The following ACACA variants were observed in gnomAD, a reference collection of about 807,000 sequenced individuals.
ACACA encodes acetyl-CoA carboxylase 1.
Under a neutral mutation model 296.1 loss-of-function variants are expected in ACACA, and 103 were observed. The ratio of observed to expected loss-of-function variants is 0.35; its 90% CI spans 0.30 to 0.41. The LOEUF (loss-of-function observed/expected upper bound fraction) is 0.41, where lower values mean the gene tolerates loss of function less well. ACACA is among the 10% of genes least tolerant of loss of function. ACACA has a pLI of 1.00. For synonymous variants in ACACA, 953 were observed against 1,038.6 expected, an observed-to-expected ratio of 0.92 and a Z score of 1.58; for missense variants, 1,554 against 2,989.7, an observed-to-expected ratio of 0.52 and a Z score of 11.20.
In ACACA at chr17:37,383,133, C is replaced by T. The variant is rs1470593781; in HGVS notation, c.38+23129G>A. On this transcript the variant is annotated intron_variant, in intron 1 of 55. Coordinates refer to ENST00000616317, the MANE Select transcript of ACACA (RefSeq NM_198834.3). ...CAATTGTTTCCCTCTTAACATGTGA[C>T]ACCTTGCTGTCCATGGCAGCTGTGT... 2.0e-5 allele frequency among the ~76,000 whole-genome samples: 3 copies of T among 152,188 alleles called. No homozygotes were observed. The East Asian group carries it at 5.8e-4, about 29-fold the overall frequency.
intron 45 of ACACA, among the ~76,000 whole-genome samples, chr17:37,132,329 C>G (rs2075138017): frequency 6.6e-6 from 1 of 152,064 alleles, no homozygotes; most frequent in African/African-American, 2.4e-5. Context: ...ACAAAAAATC[C>G]AAACCAAAGC....
chr17:37,272,053 G>C (rs2082094678), intron 9 of ACACA, among the ~76,000 whole-genome samples: 1 of 152,012 alleles, frequency 6.6e-6, no homozygotes, highest in Admixed American at 6.6e-5. Context: ...TCTTTAAAAT[G>C]TATCACCAGG....
chr17:37,216,090 C>T (rs1598204912), intron 29 of ACACA, among the ~76,000 whole-genome samples: 1 of 148,804 alleles, frequency 6.7e-6, no homozygotes, highest in Admixed American at 6.7e-5. Flanking sequence ...CAAAAAGAAT[C>T]ACACAGCCTT....
intron 25 of ACACA, among the ~76,000 whole-genome samples, chr17:37,227,719 G>C (rs1367842030): frequency 1.3e-5 from 2 of 151,896 alleles, no homozygotes; most frequent in Non-Finnish European, 2.9e-5. Context: ...AATTAGCCGG[G>C]CGTGGTGGCG....
intron 52 of ACACA, among the ~76,000 whole-genome samples, chr17:37,105,475 T>TCAAAAA (rs2073622495): frequency 6.7e-6 from 1 of 150,190 alleles, no homozygotes; most frequent in Non-Finnish European, 1.5e-5. Flanking sequence ...AGGCTCCATC[T>TCAAAAA]CAAAAACAAA....
intron 28 of ACACA, among the ~76,000 whole-genome samples, chr17:37,223,013 T>C (rs940619391): frequency 6.6e-6 from 1 of 152,204 alleles, no homozygotes; most frequent in Non-Finnish European, 1.5e-5. Flanking sequence ...CTAAAGTAAC[T>C]GTAGGATTAA....
intron 32 of ACACA, 54 bp from the exon 33 acceptor site, chr17:37,205,926 C>G: frequency 7.4e-7 from 1 of 1,349,300 alleles, no homozygotes; most frequent in Non-Finnish European, 1.1e-6. Flanking sequence ...AATACAGATG[C>G]AGATAGAAGT....
Position 37,226,344 on chromosome 17 carries a change from G to A in ACACA, c.3355C>T (p.Arg1119Cys). ...TTNAKVALRARQVLIASHLPS... is the reference protein window; with the variant it reads ...TTNAKVALRACQVLIASHLPS... ...AAACCAACAAATGTCCTTACCTGGC[G>A]TGCTCGAAGTGCTACTTTGGCATTG... The change falls in exon 26 of 56, where the codon CGC becomes TGC. Residue 1119 changes from arginine to cysteine, a missense_variant. Coordinates refer to ENST00000616317, the MANE Select transcript of ACACA (RefSeq NM_198834.3). The A allele has an allele frequency of 6.2e-7, 1 of 1,612,736 alleles. No individual in the cohort carries two copies. Among genetic ancestry groups the A allele is most frequent in the Non-Finnish European group, 8.5e-7 (1 of 1,178,764 alleles).
At chr17:37,299,160 G>C in intron 3 of ACACA, 1 of 1,019,870 alleles carries the variant, frequency 9.8e-7, no homozygotes, top group Non-Finnish European at 1.4e-6. Context: ...AAAAAAAATA[G>C]CCTTCATTTT....
At chr17:37,368,173 G>A (rs192707766) in intron 1 of ACACA, among the ~76,000 whole-genome samples, 17 of 152,360 alleles carry the variant, frequency 1.1e-4, no homozygotes, top group Middle Eastern at 3.4e-3. Flanking sequence ...GAGGGAGGCT[G>A]AGGAAGGAGA....
intron 3 of ACACA, among the ~76,000 whole-genome samples, chr17:37,320,609 T>C (rs1217258643): frequency 1.3e-5 from 2 of 151,966 alleles, no homozygotes; most frequent in East Asian, 1.9e-4. Flanking sequence ...GCTGGCCACC[T>C]TGGGCATGTT....
At chr17:37,217,526 G>T (rs557206378) in intron 29 of ACACA, among the ~76,000 whole-genome samples, 2 of 151,680 alleles carry the variant, frequency 1.3e-5, no homozygotes, top group Non-Finnish European at 2.9e-5. Context: ...ACAAGGTAAT[G>T]AGATCGAGAC....
At chr17:37,171,259 T>C (rs1231451851) in intron 41 of ACACA, among the ~76,000 whole-genome samples, 1 of 152,084 alleles carries the variant, frequency 6.6e-6, no homozygotes, top group Non-Finnish European at 1.5e-5. Flanking sequence ...TGAGCAGCAA[T>C]ACAAAGAATC....
At chr17:37,384,805 T>G (rs895521074) in intron 1 of ACACA, among the ~76,000 whole-genome samples, 3 of 152,248 alleles carry the variant, frequency 2.0e-5, no homozygotes, top group African/African-American at 7.2e-5. Flanking sequence ...TGATTTCATG[T>G]ACAGTGCCTG....
At chr17:37,385,959 CAGGAT>C (rs2050507680) in intron 1 of ACACA, 1 of 1,252,006 alleles carries the variant, frequency 8.0e-7, no homozygotes, top group Non-Finnish European at 1.1e-6. Context: ...AAACCAAAGG[CAGGAT>C]AAAGTTTTCC....
chr17:37,113,285 T>C lies in ACACA; in HGVS notation c.6275-20A>G. 1 of 1,613,000 alleles carries C rather than the reference T, an allele frequency of 6.2e-7. No homozygotes were observed. Among genetic ancestry groups the C allele is most frequent in the East Asian group, 2.2e-5 (1 of 44,850 alleles). On this transcript the variant is annotated intron_variant, in intron 50 of 55. Transcript: ENST00000616317. The surrounding 1 kb of genome is among the most constrained non-coding windows in gnomAD (Gnocchi z 4.0). ...ACATATCTATGGAGAATGAGACAAATTAGAAATCAAGAAATTTCTCTTCCT... is the reference window on the plus strand; with the variant it reads ...ACATATCTATGGAGAATGAGACAAACTAGAAATCAAGAAATTTCTCTTCCT...
At chr17:37,255,065 C>T (rs2081166066) in intron 14 of ACACA, among the ~76,000 whole-genome samples, 1 of 151,248 alleles carries the variant, frequency 6.6e-6, no homozygotes, top group African/African-American at 2.4e-5. Context: ...CGTGCCACTG[C>T]ACTCCAGCTT....
intron 10 of ACACA, 41 bp downstream of exon 10, chr17:37,270,710 T>C (rs763733010): frequency 3.4e-5 from 47 of 1,399,632 alleles, no homozygotes; most frequent in Non-Finnish European, 4.7e-5. Flanking sequence ...ATCTCTGATA[T>C]ACATGTTAGT....
chr17:37,294,317 T>C (rs2083223595), intron 3 of ACACA, among the ~76,000 whole-genome samples: 1 of 152,218 alleles, frequency 6.6e-6, no homozygotes, highest in African/African-American at 2.4e-5. Context: ...AGCCAGCTTG[T>C]TTAGTAAAGT....
Sources: gnomAD v4.1 joint callset for allele counts (sites outside exome capture counted in the v4.1 genomes callset) on GRCh38, gnomAD v4.1.1 for gene constraint, Gnocchi (gnomAD v3.1) non-coding constraint, MANE v1.5 for transcripts, NCBI Gene and HGNC (gene_info 2026-07-23, HGNC 2026-07-21) for gene names.